ADAM32: variants seen among roughly 807,000 people sequenced by gnomAD.
ADAM32 encodes ADAM metallopeptidase domain 32.
Under a neutral mutation model 114.9 loss-of-function variants are expected in ADAM32, and 89 were observed. That is an observed-to-expected ratio of 0.77 (90% CI 0.65 to 0.92). The LOEUF is 0.92. Among genes scored for constraint, ADAM32 ranks in the 40% least tolerant of loss-of-function variants. The probability of loss-of-function intolerance (pLI) is 0.00; values close to 1 mark genes in which losing one functional copy is unlikely to be tolerated. For synonymous variants in ADAM32, 285 were observed against 307.5 expected, an observed-to-expected ratio of 0.93 and a Z score of 0.77; for missense variants, 870 against 932.8, an observed-to-expected ratio of 0.93 and a Z score of 0.88.
At chr8:39,247,889 TA>T (rs1175325941) in intron 17 of ADAM32, among the ~76,000 whole-genome samples, 1 of 150,558 alleles carries the variant, frequency 6.6e-6, no homozygotes, top group Admixed American at 6.6e-5. Context: ...AGTTTGTGTC[TA>T]GATTCTTTTT....
intron 10 of ADAM32, among the ~76,000 whole-genome samples, chr8:39,174,598 C>T (rs561193392): frequency 4.0e-5 from 6 of 151,790 alleles, no homozygotes; most frequent in East Asian, 3.9e-4. Context: ...CTTGCTGGTG[C>T]GCTGCACCCA....
intron 20 of ADAM32, among the ~76,000 whole-genome samples, chr8:39,273,917 T>C (rs570225607): frequency 1.3e-5 from 2 of 152,310 alleles, no homozygotes; most frequent in African/African-American, 2.4e-5. Flanking sequence ...CAAAATACTG[T>C]CTTTTTTTAA....
rs1012031550 is a variant in ADAM32 at position 39,169,216 on chromosome 8, T to C, written c.834-700T>C. 9.8e-5 allele frequency: 15 copies of C among 152,322 alleles called. No individual in the cohort carries two copies. In the South Asian group the frequency reaches 1.2e-3, roughly 13 times the overall value. 9.4% of individuals were successfully genotyped at this position (152,322 alleles called of 1,614,324 possible). On this transcript the variant is annotated intron_variant, in intron 9 of 24. Coordinates refer to ENST00000379907, the MANE Select transcript of ADAM32 (RefSeq NM_145004.7). ...TGGGGGCTCTAAATAAGGCAGTAAA[T>C]GCTTGGAGCATCTATACCTTAGTAG...
chr8:39,219,713 G>T (rs983182287), intron 12 of ADAM32, among the ~76,000 whole-genome samples: 1 of 152,192 alleles, frequency 6.6e-6, no homozygotes, highest in African/African-American at 2.4e-5. Context: ...AGTCATTCAA[G>T]AGCAAGTTGT....
chr8:39,231,015 C>G (rs886942181), intron 14 of ADAM32, among the ~76,000 whole-genome samples: 20 of 152,016 alleles, frequency 1.3e-4, no homozygotes, highest in African/African-American at 4.3e-4. Flanking sequence ...TGGATAATTC[C>G]CTCCCTTTGA....
chr8:39,233,433 T>G (rs1353778581), intron 15 of ADAM32, among the ~76,000 whole-genome samples: 1 of 152,190 alleles, frequency 6.6e-6, no homozygotes, highest in East Asian at 1.9e-4. Flanking sequence ...TTTAGCATGC[T>G]AATGCATTAT....
At chr8:39,260,512 T>G (rs1811957001) in intron 19 of ADAM32, among the ~76,000 whole-genome samples, 1 of 152,152 alleles carries the variant, frequency 6.6e-6, no homozygotes, top group South Asian at 2.1e-4. Flanking sequence ...TATGACAAAC[T>G]GTTGCTAGTT....
chr8:39,273,950 T>C (rs1812912712), intron 20 of ADAM32, among the ~76,000 whole-genome samples: 1 of 152,142 alleles, frequency 6.6e-6, no homozygotes, highest in South Asian at 2.1e-4. Context: ...AAGCCAAAAG[T>C]TGGGGTATGA....
At chr8:39,273,984 A>G (rs981343811) in intron 20 of ADAM32, among the ~76,000 whole-genome samples, 2 of 151,658 alleles carry the variant, frequency 1.3e-5, no homozygotes, top group Admixed American at 1.3e-4. Context: ...GCAAAGTCAA[A>G]CCTATGTTCT....
chr8:39,235,023 T>C (rs1198548752), intron 16 of ADAM32, among the ~76,000 whole-genome samples: 1 of 152,140 alleles, frequency 6.6e-6, no homozygotes. Context: ...GTCTGACTCT[T>C]CATTCCTGTG....
chr8:39,111,249 T>C (rs920347999), intron 1 of ADAM32, among the ~76,000 whole-genome samples: 1 of 152,216 alleles, frequency 6.6e-6, no homozygotes, highest in Non-Finnish European at 1.5e-5. Flanking sequence ...TTCTCTTGGA[T>C]ATGTACTTAC....
At chr8:39,179,357 C>T (rs554411774) in intron 10 of ADAM32, among the ~76,000 whole-genome samples, 73 of 152,292 alleles carry the variant, frequency 4.8e-4, no homozygotes, top group South Asian at 8.3e-4. Context: ...GCCAGTGGGT[C>T]TTAACTTGAG....
intron 14 of ADAM32, 98 bp downstream of exon 14, chr8:39,223,336 T>TTA (rs1465478929): frequency 2.8e-6 from 2 of 727,090 alleles, no homozygotes; most frequent in Non-Finnish European, 3.9e-6. Flanking sequence ...TGTGGAATGT[T>TTA]TTATATAGTA....
chr8:39,180,414 C>A (rs1335612786), intron 10 of ADAM32, among the ~76,000 whole-genome samples: 2 of 152,362 alleles, frequency 1.3e-5, no homozygotes, highest in East Asian at 3.9e-4. Context: ...GCCTCCCCTG[C>A]CTCTGTGGGC....
At chr8:39,202,426 TA>T (rs1341541320) in intron 11 of ADAM32, among the ~76,000 whole-genome samples, 1 of 152,242 alleles carries the variant, frequency 6.6e-6, no homozygotes, top group Non-Finnish European at 1.5e-5. Flanking sequence ...GAGGTGTTTA[TA>T]GTATTCTCTG....
At chr8:39,173,124 G>A (rs1320482331) in intron 10 of ADAM32, among the ~76,000 whole-genome samples, 1 of 152,202 alleles carries the variant, frequency 6.6e-6, no homozygotes, top group African/African-American at 2.4e-5. Flanking sequence ...CAGGCATGGT[G>A]GCAGGCACCT....
At chr8:39,265,883 C>T (rs1812318411) in intron 19 of ADAM32, among the ~76,000 whole-genome samples, 1 of 152,094 alleles carries the variant, frequency 6.6e-6, no homozygotes, top group Non-Finnish European at 1.5e-5. Context: ...TTAGCATTGA[C>T]TTGTTTGAAA....
chr8:39,214,604 G>T (rs1808443460), intron 12 of ADAM32, among the ~76,000 whole-genome samples: 1 of 152,050 alleles, frequency 6.6e-6, no homozygotes. Flanking sequence ...TGTTGGATGG[G>T]TAGTTTGCAG....
chr8:39,185,899 G>T (rs1307840116), intron 10 of ADAM32, among the ~76,000 whole-genome samples: 3 of 149,886 alleles, frequency 2.0e-5, no homozygotes, highest in South Asian at 4.2e-4. Context: ...TTTTTTAAAT[G>T]CAGGGGCTCT....
Sources: allele counts gnomAD v4.1 joint callset (sites outside exome capture counted in the v4.1 genomes callset), GRCh38; gene constraint gnomAD v4.1.1; transcripts MANE v1.5; gene names NCBI Gene and HGNC (gene_info 2026-07-23, HGNC 2026-07-21).